The following RNF111 variants were observed in gnomAD, a reference collection of about 807,000 sequenced individuals.
RNF111 encodes E3 ubiquitin-protein ligase Arkadia.
A neutral mutation model predicts 95.1 loss-of-function variants in RNF111; 17 were observed. The ratio of observed to expected loss-of-function variants is 0.18; its 90% CI spans 0.12 to 0.27. The LOEUF (loss-of-function observed/expected upper bound fraction) is 0.27. RNF111 is among the 10% of genes least tolerant of loss of function. The probability of loss-of-function intolerance (pLI) is 1.00; values close to 1 mark genes in which losing one functional copy is unlikely to be tolerated. For synonymous variants in RNF111, 440 were observed against 414.8 expected (o/e 1.06, Z -0.74); for missense variants, 1,189 against 1,210.4 (o/e 0.98, Z 0.26).
rs559504581 is a variant in RNF111, at chr15:59,080,017, A to G, written c.1949-919A>G. Among the ~76,000 whole-genome samples the G allele has an allele frequency of 7.2e-5, 11 of 152,228 alleles. No homozygotes were observed. In the South Asian group the frequency reaches 1.9e-3, roughly 26 times the overall value. ...TGTAAATAGATAATTCTGAGAACAC[A>G]TACAAGCGGTCAAGAAATAAAAGAT... is the stretch of plus-strand genomic sequence containing the variant. On this transcript the variant is annotated intron_variant, in intron 7 of 13. Coordinates refer to ENST00000348370, the MANE Select transcript of RNF111 (RefSeq NM_017610.8).
At chr15:59,047,568 G>GT (rs761996155) in intron 2 of RNF111, among the ~76,000 whole-genome samples, 55 of 151,774 alleles carry the variant, frequency 3.6e-4, no homozygotes, top group Non-Finnish European at 4.4e-4. Context: ...GTTATTTTGT[G>GT]TTTTTTTTAA....
intron 2 of RNF111, among the ~76,000 whole-genome samples, chr15:59,045,874 CAAT>C (rs1288881650): frequency 6.6e-6 from 1 of 152,150 alleles, no homozygotes; most frequent in Non-Finnish European, 1.5e-5. Flanking sequence ...ATTCAATCTA[CAAT>C]ATTATTTTAA....
At chr15:59,092,759 C>A in intron 13 of RNF111, 119 bp downstream of exon 13, 1 of 997,718 alleles carries the variant, frequency 1.0e-6, no homozygotes, top group Non-Finnish European at 1.4e-6. Context: ...TTTTTGAGGC[C>A]AAGGCCAGAG....
At chr15:59,085,000 G>C (rs1480483241) in intron 9 of RNF111, among the ~76,000 whole-genome samples, 1 of 152,090 alleles carries the variant, frequency 6.6e-6, no homozygotes, top group African/African-American at 2.4e-5. Flanking sequence ...CATTGACAAG[G>C]GAAATTTAGC....
At chr15:59,004,483 A>G (rs1348849441) in intron 1 of RNF111, among the ~76,000 whole-genome samples, 1 of 152,354 alleles carries the variant, frequency 6.6e-6, no homozygotes, top group South Asian at 2.1e-4. Context: ...CACCTTGATC[A>G]GTGACGTACA....
At chr15:59,086,642 G>T (rs528963735) in intron 10 of RNF111, among the ~76,000 whole-genome samples, 1 of 152,318 alleles carries the variant, frequency 6.6e-6, no homozygotes, top group South Asian at 2.1e-4. Context: ...TGGTACATGT[G>T]ACTTCTAAGC....
At chr15:59,070,043 T>C (rs1262881023) in intron 6 of RNF111, among the ~76,000 whole-genome samples, 18 of 130,384 alleles carry the variant, frequency 1.4e-4, no homozygotes, top group African/African-American at 5.6e-4. Context: ...TTTTTTTTTT[T>C]TTTTTTTTTT....
chr15:59,037,598 A>G (rs2041240872), intron 2 of RNF111, among the ~76,000 whole-genome samples: 1 of 152,136 alleles, frequency 6.6e-6, no homozygotes, highest in African/African-American at 2.4e-5. Context: ...GCACTTTGGG[A>G]GGCCAAGGCA....
At chr15:59,065,357 T>C (rs1431307344) in intron 5 of RNF111, among the ~76,000 whole-genome samples, 1 of 152,206 alleles carries the variant, frequency 6.6e-6, no homozygotes, top group African/African-American at 2.4e-5. Context: ...GAGGATACTT[T>C]TGCAGTTCTT....
chr15:59,007,382 TC>T (rs2141500752), intron 1 of RNF111, among the ~76,000 whole-genome samples: 1 of 152,288 alleles, frequency 6.6e-6, no homozygotes, highest in Admixed American at 6.5e-5. Flanking sequence ...TTGAGATTAA[TC>T]CGTATTGATA....
At position 58,987,869 on chromosome 15, in the gene RNF111, C is replaced by G. The variant is rs184578709; in HGVS notation, c.-219C>G. 1 of 153,508 alleles carries G rather than the reference C, an allele frequency of 6.5e-6. No homozygotes were observed. 9.5% of individuals were successfully genotyped at this position (153,508 alleles called of 1,614,324 possible). On this transcript the variant is annotated 5_prime_UTR_variant, in exon 1 of 14. Transcript: ENST00000348370. ...TGAACCCACGCCGGCTTAGCTGGGC[C>G]GAGTCCAGGCGCTGCCGCACGTACA...
intron 1 of RNF111, among the ~76,000 whole-genome samples, chr15:59,005,274 T>C (rs1437992516): frequency 6.6e-6 from 1 of 152,174 alleles, no homozygotes; most frequent in Non-Finnish European, 1.5e-5. Flanking sequence ...CAGTCCTCCC[T>C]GCATGAAGTG....
At chr15:59,050,941 A>G (rs993391787) in intron 2 of RNF111, among the ~76,000 whole-genome samples, 1 of 152,222 alleles carries the variant, frequency 6.6e-6, no homozygotes, top group African/African-American at 2.4e-5. Flanking sequence ...AAGATTTTTC[A>G]ATAAATGTTT....
At chr15:59,030,766 C>T (rs1262266322) in intron 1 of RNF111, 38 bp from the exon 2 acceptor site, 2 of 1,379,794 alleles carry the variant, frequency 1.4e-6, no homozygotes, top group East Asian at 4.8e-5. Context: ...TAATAAAACA[C>T]ATTAAAAATC....
chr15:59,023,536 A>G (rs202130384), intron 1 of RNF111, among the ~76,000 whole-genome samples: 6 of 72,530 alleles, frequency 8.3e-5, no homozygotes, highest in African/African-American at 2.1e-4. Context: ...ATTTTTATTT[A>G]TATATTTTTG....
rs1287514781 is a variant in RNF111 at position 59,094,641 on chromosome 15, A to G, written c.2844-142A>G. On this transcript the variant is annotated intron_variant, in intron 13 of 13. Coordinates refer to ENST00000348370, the MANE Select transcript of RNF111 (RefSeq NM_017610.8). ...TATATATTATATTGCCCAGAGTGCT[A>G]ATTTAATCGATGTGTTTTTTATAGA... 4 of 567,252 alleles carry G rather than the reference A, an allele frequency of 7.1e-6. No individual in the cohort carries two copies. In the Admixed American group the frequency reaches 8.9e-5, roughly 13 times the overall value. 35.1% of individuals were successfully genotyped at this position (567,252 alleles called of 1,614,324 possible). A position where few individuals can be genotyped will look rare whatever the true frequency, so the allele number is the denominator to read the frequency against.
intron 2 of RNF111, among the ~76,000 whole-genome samples, chr15:59,035,294 C>T (rs1431768268): frequency 6.6e-6 from 1 of 152,174 alleles, no homozygotes; most frequent in East Asian, 1.9e-4. Flanking sequence ...TTCCAAATCC[C>T]ATGTCCTCAT....
At chr15:59,078,593 C>G (rs1023149604) in intron 7 of RNF111, among the ~76,000 whole-genome samples, 1 of 151,094 alleles carries the variant, frequency 6.6e-6, no homozygotes, top group Non-Finnish European at 1.5e-5. Flanking sequence ...CACAGTGGCT[C>G]ACGCCTGTAA....
Position 59,067,001 on chromosome 15 carries a change from C to T in RNF111, c.1604C>T (p.Pro535Leu), listed in dbSNP as rs1369991404. 2.5e-6 allele frequency: 4 copies of T among 1,614,030 alleles called. No homozygotes were observed. In the African/African-American group the frequency reaches 5.3e-5, roughly 22 times the overall value. Residue 535 changes from proline to leucine, a missense_variant, in exon 6 of 14, where the codon CCT (proline) becomes CTT (leucine). Physicochemically the swap from Pro to Leu is moderately conservative, Grantham distance 98. This residue lies in a region of RNF111 where 1,024 missense variants were observed against 925.9 expected (regional missense o/e 1.11). Transcript: ENST00000348370. ...AVPVSPSFSD[P>L]ACPVERPPQV... The stretch of plus-strand genomic sequence containing the variant: ...CCAGTTTCTCCTTCCTTTAGTGATC[C>T]TGCTTGCCCTGTGGAAAGACCTCCA...
Sources: gnomAD v4.1 joint callset for allele counts (sites outside exome capture counted in the v4.1 genomes callset) on GRCh38, gnomAD v4.1.1 for gene constraint, gnomAD v4.1.1 regional missense constraint, MANE v1.5 for transcripts, NCBI Gene and HGNC (gene_info 2026-07-23, HGNC 2026-07-21) for gene names.